Variants in ZFYVE26 observed in about 807,000 individuals in gnomAD.
ZFYVE26 encodes zinc finger FYVE-type containing 26.
A neutral mutation model predicts 276.5 loss-of-function variants in ZFYVE26; 181 were observed. The ratio of observed to expected loss-of-function variants is 0.65; its 90% CI spans 0.58 to 0.74. The LOEUF is 0.74. Ranked by LOEUF, ZFYVE26 falls within the 30% of genes least tolerant of loss-of-function variation. The pLI, the probability that ZFYVE26 is intolerant of heterozygous loss-of-function variation, is 0.00. For synonymous variants in ZFYVE26, 1,129 were observed against 1,203.1 expected (o/e 0.94, Z 1.27); for missense variants, 2,821 against 3,097.9 (o/e 0.91, Z 2.12).
intron 22 of ZFYVE26, 38 bp downstream of exon 22, chr14:67,781,295 G>A: frequency 1.2e-6 from 2 of 1,610,278 alleles, no homozygotes; most frequent in Non-Finnish European, 8.5e-7. Flanking sequence ...CATAGAGTGA[G>A]AAGCCCGTTC....
rs752814396 is a variant in ZFYVE26 at position 67,748,635 on chromosome 14, C to T, written c.7421G>A (p.Arg2474Gln). The T allele has an allele frequency of 1.8e-5, 29 of 1,613,740 alleles. No individual in the cohort carries two copies. Among genetic ancestry groups the T allele is most frequent in the Admixed American group, 3.3e-5 (2 of 60,006 alleles). The change falls in exon 42 of 42, where the codon CGG becomes CAG. Residue 2474 changes from arginine (R) to glutamine (Q), a missense_variant. Coordinates refer to ENST00000347230, the MANE Select transcript of ZFYVE26 (RefSeq NM_015346.4). ...CAGTTTGCAACATATCAGGTAGGCC[C>T]GAACCTGGCAGTCAGTTATAAGAGA... The part of the protein sequence containing the change: ...QAIHNDDNKV[R>Q]AYLICCKLRS...
In ZFYVE26 at chr14:67,780,309, A is replaced by C. The variant is rs2039465379; in HGVS notation, c.4606T>G (p.Trp1536Gly). 1 of 1,614,044 alleles carries C rather than the reference A, an allele frequency of 6.2e-7. No individual in the cohort carries two copies. The highest frequency in any genetic ancestry group is 8.5e-7 in the Non-Finnish European group (1 of 1,179,988). Reference protein sequence around the residue: ...GLQSPPVWCDWQTLRSCCVED... With the variant: ...GLQSPPVWCDGQTLRSCCVED... ...ACACAACAGCTCCTCAAGGTCTGCC[A>C]GTCACACCACACTGGGGGAGACTGC... The change falls in exon 23 of 42, where the codon TGG (tryptophan) becomes GGG (glycine). Residue 1536 changes from tryptophan (W) to glycine (G), a missense_variant. By Grantham distance (184) the Trp-to-Gly change is radical. Transcript: ENST00000347230.
At chr14:67,739,406 A>C (rs1221274223) in intron 13 of ZFYVE26, among the ~76,000 whole-genome samples, 1 of 152,224 alleles carries the variant, frequency 6.6e-6, no homozygotes, top group Non-Finnish European at 1.5e-5. Flanking sequence ...TTCTTGTTAC[A>C]CAACATAATA....
At chr14:67,814,889 C>T (rs7141203) in intron 2 of ZFYVE26, among the ~76,000 whole-genome samples, 3,486 of 152,214 alleles carry the variant, frequency 0.023, 59 homozygotes, top group East Asian at 0.052. Flanking sequence ...TGTGCTAATA[C>T]AATATGTAAA....
chr14:67,748,775 A>G, intron 41 of ZFYVE26, 136 bp from the exon 42 acceptor site: 1 of 873,590 alleles, frequency 1.1e-6, no homozygotes, highest in South Asian at 1.4e-5. Context: ...CATGTATTTT[A>G]TGGTATTATA....
chr14:67,789,152 CTA>C (rs1310627312), intron 16 of ZFYVE26, among the ~76,000 whole-genome samples, 181 bp downstream of exon 16: 1 of 152,180 alleles, frequency 6.6e-6, no homozygotes, highest in Non-Finnish European at 1.5e-5. Context: ...CCCCAAATTG[CTA>C]TGTCTATTTT....
At chr14:67,815,432 TAAGC>T (rs2040382289) in intron 2 of ZFYVE26, 1 of 330,170 alleles carries the variant, frequency 3.0e-6, no homozygotes. Flanking sequence ...TTCAATCTCA[TAAGC>T]AAGAAGAGAG....
At chr14:67,791,889 G>A (rs1277584086) in intron 14 of ZFYVE26, among the ~76,000 whole-genome samples, 5 of 151,448 alleles carry the variant, frequency 3.3e-5, no homozygotes, top group Non-Finnish European at 5.9e-5. Context: ...GTGAAACCCC[G>A]TCTCTATTAA....
At chr14:67,789,149 T>C (rs779073859) in intron 16 of ZFYVE26, among the ~76,000 whole-genome samples, 186 bp downstream of exon 16, 14 of 152,338 alleles carry the variant, frequency 9.2e-5, no homozygotes, top group Middle Eastern at 3.4e-3. Flanking sequence ...TTTCCCCAAA[T>C]TGCTATGTCT....
chr14:67,814,373 G>A (rs984497189), intron 2 of ZFYVE26, among the ~76,000 whole-genome samples: 1 of 152,118 alleles, frequency 6.6e-6, no homozygotes, highest in Non-Finnish European at 1.5e-5. Context: ...ACAAAAATTA[G>A]CCAAGTGCGG....
intron 25 of ZFYVE26, 51 bp downstream of exon 25, chr14:67,777,508 C>T: frequency 1.3e-6 from 2 of 1,594,814 alleles, no homozygotes; most frequent in South Asian, 1.1e-5. Flanking sequence ...TCCTTTTCCT[C>T]CTTACCTTGG....
chr14:67,798,951 C>A, intron 10 of ZFYVE26: 4 of 1,129,872 alleles, frequency 3.5e-6, no homozygotes, highest in Middle Eastern at 2.9e-4. Flanking sequence ...TTATTTCTCG[C>A]GCCGCGGTTT....
Position 67,757,638 on chromosome 14 carries a change from T to TTGTC in ZFYVE26, c.6589-1497_6589-1494dup, listed in dbSNP as rs1286403787. Among the ~76,000 whole-genome samples the TTGTC allele has an allele frequency of 1.5e-3, 192 of 128,358 alleles. 2 individuals are homozygous for TTGTC. The highest frequency in any genetic ancestry group is 5.4e-3 in the African/African-American group (185 of 34,516). 84.2% of individuals were successfully genotyped at this position (128,358 alleles called of 152,430 possible). ...TCTTCCTACTATGGGGCAGATATTT[T>TTGTC]TGTCTTTCTTTCTTTCTTTCTTTCT... On this transcript the variant is annotated intron_variant, in intron 35 of 41. Transcript: ENST00000347230.
intron 39 of ZFYVE26, among the ~76,000 whole-genome samples, chr14:67,753,466 G>A (rs1053744098): frequency 6.6e-6 from 1 of 152,200 alleles, no homozygotes; most frequent in Non-Finnish European, 1.5e-5. Context: ...TCTGAGACCT[G>A]GCTCCTGGTA....
intron 40 of ZFYVE26, 71 bp downstream of exon 40, chr14:67,752,271 CAG>C (rs2038667172): frequency 1.3e-6 from 2 of 1,522,744 alleles, no homozygotes; most frequent in Non-Finnish European, 1.8e-6. Context: ...TTATGGAAAA[CAG>C]AACAATAAAG....
chr14:67,763,845 T>C (rs932132529), intron 32 of ZFYVE26, among the ~76,000 whole-genome samples: 9 of 152,216 alleles, frequency 5.9e-5, no homozygotes, highest in Admixed American at 6.5e-5. Context: ...CACTGTATGT[T>C]AGGGGCTTAC....
intron 35 of ZFYVE26, among the ~76,000 whole-genome samples, chr14:67,756,853 A>T (rs555692715): frequency 6.6e-6 from 1 of 152,326 alleles, no homozygotes; most frequent in East Asian, 1.9e-4. Context: ...CTGTACATCC[A>T]ACTTATATCC....
chr14:67,751,901 A>G (rs549554670), intron 40 of ZFYVE26, among the ~76,000 whole-genome samples: 11 of 151,998 alleles, frequency 7.2e-5, no homozygotes, highest in Non-Finnish European at 1.6e-4. Flanking sequence ...TAACCATAAC[A>G]CTAAGCTTCA....
chr14:67,752,574 G>A (rs772027745), intron 39 of ZFYVE26, 48 bp from the exon 40 acceptor site: 2 of 1,599,668 alleles, frequency 1.3e-6, no homozygotes, highest in Non-Finnish European at 1.7e-6. Flanking sequence ...AAACGTTAAC[G>A]GTGGGGAGGG....
Sources: allele counts gnomAD v4.1 joint callset (sites outside exome capture counted in the v4.1 genomes callset), GRCh38; gene constraint gnomAD v4.1.1; transcripts MANE v1.5; gene names NCBI Gene and HGNC (gene_info 2026-07-23, HGNC 2026-07-21).